SUMF1: variants seen among roughly 807,000 people sequenced by gnomAD.
SUMF1 encodes the protein sulfatase modifying factor 1.
Under a neutral mutation model 47.6 loss-of-function variants are expected in SUMF1, and 48 were observed. That is an observed-to-expected ratio of 1.01 (90% CI 0.80 to 1.28). The LOEUF (loss-of-function observed/expected upper bound fraction) is 1.28. Ranked by LOEUF, SUMF1 falls within the 50% of genes most tolerant of loss-of-function variation. SUMF1 has a pLI of 0.00. For synonymous variants in SUMF1, 230 were observed against 192.1 expected (o/e 1.20, Z -1.63); for missense variants, 571 against 485.4 (o/e 1.18, Z -1.66).
rs1391710998 is a variant in SUMF1, at chr3:4,446,696, T to C, written c.519+2570A>G. 1.1e-4 allele frequency among the ~76,000 whole-genome samples: 17 copies of C among 152,148 alleles called. 1 individual carries two copies. The highest frequency in any genetic ancestry group is 1.0e-3 in the Admixed American group (16 of 15,272). On this transcript the variant is annotated intron_variant, in intron 3 of 8. Coordinates refer to ENST00000272902, the MANE Select transcript of SUMF1 (RefSeq NM_182760.4). ...GTCTGATCACACCTGGGGATCCAGC[T>C]ACCAACTTGCAGGAAATACAGAGGA...
intron 8 of SUMF1, chr3:4,316,946 TCTC>T: frequency 1.3e-6 from 2 of 1,549,326 alleles, no homozygotes; most frequent in Non-Finnish European, 1.7e-6. Flanking sequence ...GCCCAATTCT[TCTC>T]CACGACAATG....
chr3:4,251,153 C>T (rs1379515114), intron 8 of SUMF1, among the ~76,000 whole-genome samples: 1 of 152,062 alleles, frequency 6.6e-6, no homozygotes. Context: ...AAAATATCAG[C>T]ACTAATAGGA....
At position 4,422,435 on chromosome 3, in the gene SUMF1, G is replaced by T. The variant is rs1375682047; in HGVS notation, c.520-2289C>A. Among the ~76,000 whole-genome samples, 2 of 151,654 alleles carry T rather than the reference G, an allele frequency of 1.3e-5. 1 individual carries two copies. The highest frequency in any genetic ancestry group is 4.2e-4 in the South Asian group (2 of 4,814). ...AATATAGCAATATGTTAACCTCCAT[G>T]AATGACTTTTCTTCTCATACCCTTT... On this transcript the variant is annotated intron_variant, in intron 3 of 8. Coordinates refer to ENST00000272902, the MANE Select transcript of SUMF1 (RefSeq NM_182760.4).
chr3:4,467,128 C>G lies in SUMF1; in HGVS notation c.118G>C (p.Gly40Arg), dbSNP rs1458904275. 1 of 1,563,246 alleles carries G rather than the reference C, an allele frequency of 6.4e-7. No individual in the cohort carries two copies. Among genetic ancestry groups the G allele is most frequent in the East Asian group, 2.4e-5 (1 of 41,770 alleles). Residue 40 changes from glycine to arginine, a missense_variant, in exon 1 of 9, where the codon GGT (glycine) becomes CGT (arginine). By Grantham distance (125) the Gly-to-Arg change is moderately radical (BLOSUM62 -2). Coordinates refer to ENST00000272902, the MANE Select transcript of SUMF1 (RefSeq NM_182760.4). Reference sequence around the variant, plus strand: ...CCCGCAAGGGACCCCGCGCCCGCACCGGTCCCGGCCTCCTGGCTCCCTGCC... The same window carrying G: ...CCCGCAAGGGACCCCGCGCCCGCACGGGTCCCGGCCTCCTGGCTCCCTGCC... ...GAAGSQEAGT[G>R]AGAGSLAGSC...
rs1160047154 is a variant in SUMF1, at chr3:4,410,995, G to A, written c.841-17C>T. Reference sequence around the variant, plus strand: ...GGCATCAACCTAAAAACAAAGACAGGAAAAATGCTGTCAAACTATTCACCT... The same window carrying A: ...GGCATCAACCTAAAAACAAAGACAGAAAAAATGCTGTCAAACTATTCACCT... On this transcript the variant is annotated splice_polypyrimidine_tract_variant and intron_variant, in intron 6 of 8. Transcript: ENST00000272902. 6.3e-7 allele frequency: 1 copy of A among 1,593,834 alleles called. No individual in the cohort carries two copies. The highest frequency in any genetic ancestry group is 1.1e-5 in the South Asian group (1 of 90,696).
At chr3:4,151,063 T>G (rs781484111) in intron 8 of SUMF1, among the ~76,000 whole-genome samples, 1 of 151,306 alleles carries the variant, frequency 6.6e-6, no homozygotes, top group Admixed American at 6.6e-5. Flanking sequence ...TAACGTCTGG[T>G]GGGGGCCTCA....
chr3:4,093,468 T>C (rs1357218244), intron 8 of SUMF1, among the ~76,000 whole-genome samples: 1 of 151,644 alleles, frequency 6.6e-6, no homozygotes, highest in Non-Finnish European at 1.5e-5. Context: ...CTAACAGTGG[T>C]TGGGGAGAAG....
At chr3:4,408,323 G>C (rs947486808) in intron 7 of SUMF1, among the ~76,000 whole-genome samples, 4 of 152,152 alleles carry the variant, frequency 2.6e-5, no homozygotes, top group Non-Finnish European at 4.4e-5. Context: ...AACAGTTTTT[G>C]TTCTTTTTCT....
intron 8 of SUMF1, among the ~76,000 whole-genome samples, chr3:4,334,109 C>T (rs1216766556): frequency 7.1e-6 from 1 of 141,440 alleles, no homozygotes; most frequent in Non-Finnish European, 1.5e-5. Flanking sequence ...ACCTGGGCAA[C>T]AAAGCAAGAC....
At chr3:4,460,229 A>G (rs1259399752) in intron 1 of SUMF1, among the ~76,000 whole-genome samples, 1 of 152,218 alleles carries the variant, frequency 6.6e-6, no homozygotes, top group African/African-American at 2.4e-5. Flanking sequence ...GAGGAAATAT[A>G]TAAGAAATGC....
intron 7 of SUMF1, among the ~76,000 whole-genome samples, chr3:4,392,741 G>T (rs1200527449): frequency 6.6e-6 from 1 of 150,388 alleles, no homozygotes; most frequent in Non-Finnish European, 1.5e-5. Context: ...TTTTTGTTCT[G>T]TTTTGTTTTG....
chr3:4,072,870 G>A (rs1260595696), intron 8 of SUMF1, among the ~76,000 whole-genome samples: 1 of 152,212 alleles, frequency 6.6e-6, no homozygotes, highest in South Asian at 2.1e-4. Flanking sequence ...TGGTGTACCT[G>A]AAAGGGATGG....
At chr3:4,256,768 G>A (rs576395736) in intron 8 of SUMF1, among the ~76,000 whole-genome samples, 3 of 152,112 alleles carry the variant, frequency 2.0e-5, no homozygotes, top group African/African-American at 7.2e-5. Context: ...GATGAGGCCA[G>A]CATCATTCTG....
At chr3:4,331,265 T>G (rs74413853) in intron 8 of SUMF1, among the ~76,000 whole-genome samples, 1,653 of 152,266 alleles carry the variant, frequency 0.011, 21 homozygotes, top group African/African-American at 0.036. Flanking sequence ...TACTTTCCTT[T>G]TAACAAAAAC....
intron 8 of SUMF1, among the ~76,000 whole-genome samples, chr3:4,322,846 A>G (rs1477621081): frequency 6.6e-6 from 1 of 152,108 alleles, no homozygotes; most frequent in African/African-American, 2.4e-5. Context: ...GCATGGATCC[A>G]ATAGAATTGA....
At chr3:4,316,163 T>C in intron 8 of SUMF1, 1 of 633,476 alleles carries the variant, frequency 1.6e-6, no homozygotes, top group East Asian at 2.7e-5. Context: ...AGCATTTCTT[T>C]ATGTTTTTTT....
chr3:4,345,114 G>C (rs1489213773), intron 8 of SUMF1, among the ~76,000 whole-genome samples: 2 of 152,192 alleles, frequency 1.3e-5, no homozygotes, highest in South Asian at 2.1e-4. Context: ...ACACACTTCA[G>C]GGTATTATCC....
intron 8 of SUMF1, among the ~76,000 whole-genome samples, chr3:4,095,507 A>G (rs1692881853): frequency 1.3e-5 from 2 of 152,108 alleles, no homozygotes; most frequent in Middle Eastern, 3.2e-3. Context: ...AAAACATCAA[A>G]TGACTTGTTC....
intron 8 of SUMF1, among the ~76,000 whole-genome samples, chr3:4,347,628 A>G (rs1699399860): frequency 6.6e-6 from 1 of 152,248 alleles, no homozygotes; most frequent in African/African-American, 2.4e-5. Context: ...AGTACAAGAC[A>G]AGGATGCCCT....
Sources: gnomAD v4.1 joint callset for allele counts (sites outside exome capture counted in the v4.1 genomes callset) on GRCh38, gnomAD v4.1.1 for gene constraint, MANE v1.5 for transcripts, NCBI Gene and HGNC (gene_info 2026-07-23, HGNC 2026-07-21) for gene names.